The following ETF1 variants were observed in gnomAD, a reference collection of about 807,000 sequenced individuals.
ETF1 encodes the protein eukaryotic peptide chain release factor subunit 1.
Under a neutral mutation model 55.1 loss-of-function variants are expected in ETF1, and 4 were observed. The ratio of observed to expected loss-of-function variants is 0.07; its 90% CI spans 0.04 to 0.17. The LOEUF is 0.17. Among genes scored for constraint, ETF1 ranks in the 10% least tolerant of loss-of-function variants. ETF1 has a pLI of 1.00. For synonymous variants in ETF1, 157 were observed against 182.3 expected, an observed-to-expected ratio of 0.86 and a Z score of 1.12; for missense variants, 142 against 523.6, an observed-to-expected ratio of 0.27 and a Z score of 7.11.
In ETF1 at chr5:138,507,068, A is replaced by G. The variant is rs1454735888; in HGVS notation, c.*1237T>C. ...TGACCTTGCATATCAGCTGGGTTCAAGTCTGACTTACAGCCCAGCTGTGAA... is the reference window on the plus strand; with the variant it reads ...TGACCTTGCATATCAGCTGGGTTCAGGTCTGACTTACAGCCCAGCTGTGAA... On this transcript the variant is annotated 3_prime_UTR_variant, in exon 11 of 11. Transcript: ENST00000360541. 1 of 152,206 alleles carries G rather than the reference A, an allele frequency of 6.6e-6. No homozygotes were observed. The highest frequency in any genetic ancestry group is 1.5e-5 in the Non-Finnish European group (1 of 68,032). The allele number at this position is 152,206 out of a possible 1,614,324, so 9.4% of individuals were successfully genotyped here.
intron 2 of ETF1, among the ~76,000 whole-genome samples, chr5:138,534,906 T>C (rs1040602406): frequency 3.7e-5 from 4 of 108,588 alleles, no homozygotes; most frequent in Non-Finnish European, 7.1e-5. Flanking sequence ...ACAGAGCTGT[T>C]ATAAGGTTAT....
At chr5:138,512,256 A>ATTT (rs1554137507) in intron 6 of ETF1, among the ~76,000 whole-genome samples, 20 of 18,884 alleles carry the variant, frequency 1.1e-3, no homozygotes, top group African/African-American at 3.9e-3. Flanking sequence ...ATATATATAT[A>ATTT]TATTTTTTTT....
At chr5:138,510,974 C>G in intron 8 of ETF1, 71 bp downstream of exon 8, 1 of 1,565,582 alleles carries the variant, frequency 6.4e-7, no homozygotes, top group Non-Finnish European at 8.6e-7. Context: ...AATCAGCCAT[C>G]CCTCCCAAAT....
Position 138,506,659 on chromosome 5 carries a change from C to G in ETF1, c.*1646G>C, listed in dbSNP as rs2127055158. ...CAGGGGGTTGAGACATCAGGTTACA[C>G]ATTGACAGACAGTATTTGGACCTCA... On this transcript the variant is annotated 3_prime_UTR_variant, in exon 11 of 11. Coordinates refer to ENST00000360541, the MANE Select transcript of ETF1 (RefSeq NM_004730.4). The G allele has an allele frequency of 6.5e-6, 1 of 152,768 alleles. No homozygotes were observed. The highest frequency in any genetic ancestry group is 2.1e-4 in the South Asian group (1 of 4,832). The allele number at this position is 152,768 out of a possible 1,614,324, so 9.5% of individuals were successfully genotyped here. A position where few individuals can be genotyped will look rare whatever the true frequency, so the allele number is the denominator to read the frequency against.
intron 6 of ETF1, 46 bp downstream of exon 6, chr5:138,512,718 C>A: frequency 6.6e-7 from 1 of 1,517,076 alleles, no homozygotes; most frequent in East Asian, 2.6e-5. Flanking sequence ...GACTCACCTA[C>A]TCCTACCTAG....
intron 2 of ETF1, among the ~76,000 whole-genome samples, chr5:138,527,476 C>T (rs1424306064): frequency 6.6e-5 from 10 of 152,184 alleles, no homozygotes; most frequent in African/African-American, 2.2e-4. Flanking sequence ...ACTGTAATTT[C>T]CAAAAAACCT....
At chr5:138,528,561 T>C (rs972278745) in intron 2 of ETF1, among the ~76,000 whole-genome samples, 1 of 152,218 alleles carries the variant, frequency 6.6e-6, no homozygotes. Flanking sequence ...TGCCTAAGAA[T>C]TGTTTTTTGT....
intron 4 of ETF1, among the ~76,000 whole-genome samples, chr5:138,515,595 T>C (rs1042779013): frequency 6.6e-6 from 1 of 152,212 alleles, no homozygotes; most frequent in African/African-American, 2.4e-5. Flanking sequence ...AAACAGGATA[T>C]AACCCTCTCA....
chr5:138,542,991 G>A (rs1580732170), intron 1 of ETF1, 55 bp from the exon 2 acceptor site: 1 of 1,532,006 alleles, frequency 6.5e-7, no homozygotes, highest in Non-Finnish European at 9.0e-7. Context: ...TAGCGCCGCC[G>A]CTGGGGCAGA....
chr5:138,531,584 A>G (rs1286523490), intron 2 of ETF1, among the ~76,000 whole-genome samples: 1 of 152,218 alleles, frequency 6.6e-6, no homozygotes, highest in Non-Finnish European at 1.5e-5. Context: ...GGAACGTTTT[A>G]GACACTGCTT....
intron 2 of ETF1, among the ~76,000 whole-genome samples, chr5:138,539,202 A>T (rs1468998781): frequency 9.2e-5 from 14 of 152,180 alleles, no homozygotes. Flanking sequence ...AACACTGTCC[A>T]TTCCTTTGTC....
Position 138,534,305 on chromosome 5 carries a change from TC to T in ETF1, c.86+8527del, listed in dbSNP as rs1322116016. Among the ~76,000 whole-genome samples the T allele has an allele frequency of 3.9e-5, 6 of 152,286 alleles. No homozygotes were observed. In the East Asian group the frequency reaches 9.7e-4, roughly 25 times the overall value. On this transcript the variant is annotated intron_variant, in intron 2 of 10. Coordinates refer to ENST00000360541, the MANE Select transcript of ETF1 (RefSeq NM_004730.4). ...TTTCTACAATGATAGGCATTATTAG[TC>T]TTAAAAAGAAAAATTAAAAGATCTT...
At position 138,531,492 on chromosome 5, in the gene ETF1, C is replaced by T. The variant is rs549795713; in HGVS notation, c.86+11341G>A. ...CTCAGAGATACTCAACTTTACCAGC[C>T]CGAACACTCACTCCCCCTCAAGTAC... On this transcript the variant is annotated intron_variant, in intron 2 of 10. Coordinates refer to ENST00000360541, the MANE Select transcript of ETF1 (RefSeq NM_004730.4). 9.9e-4 allele frequency among the ~76,000 whole-genome samples: 150 copies of T among 152,276 alleles called. 1 individual carries two copies. Among genetic ancestry groups the T allele is most frequent in the African/African-American group, 3.5e-3 (146 of 41,544 alleles).
chr5:138,514,568 CTTT>C (rs59685005), intron 4 of ETF1, among the ~76,000 whole-genome samples: 18 of 139,774 alleles, frequency 1.3e-4, no homozygotes, highest in Admixed American at 2.2e-4. Context: ...TAACTTGTTC[CTTT>C]TTTTTTTTTT....
At chr5:138,538,544 A>G (rs1182463542) in intron 2 of ETF1, among the ~76,000 whole-genome samples, 1 of 152,166 alleles carries the variant, frequency 6.6e-6, no homozygotes. Flanking sequence ...GGAGGCATGG[A>G]AAGAGCCAGA....
chr5:138,541,652 T>A lies in ETF1; in HGVS notation c.86+1181A>T. 2.0e-6 allele frequency: 3 copies of A among 1,511,338 alleles called. No individual in the cohort carries two copies. The South Asian group carries it at 3.7e-5, about 18-fold the overall frequency. The allele number at this position is 1,511,338 out of a possible 1,614,324, so 93.6% of individuals were successfully genotyped here. ...GACAATCCTGGGCTGGAAACCAGAA[T>A]GTCAAATTCTTGTGCTGAAATCAAC... On this transcript the variant is annotated intron_variant, in intron 2 of 10. Coordinates refer to ENST00000360541, the MANE Select transcript of ETF1 (RefSeq NM_004730.4).
In ETF1 at chr5:138,507,344, C is replaced by T. The variant is rs1490522405; in HGVS notation, c.*961G>A. On this transcript the variant is annotated 3_prime_UTR_variant, in exon 11 of 11. Transcript: ENST00000360541. ...TCATTTTAATAAATCAAAACATTCA[C>T]ATAATCTCATGCCATCCAACACAAG... 6.6e-6 allele frequency: 1 copy of T among 152,624 alleles called. No individual in the cohort carries two copies. Among genetic ancestry groups the T allele is most frequent in the African/African-American group, 2.4e-5 (1 of 41,454 alleles). 9.5% of individuals were successfully genotyped at this position (152,624 alleles called of 1,614,324 possible).
chr5:138,517,988 C>T (rs549461509), intron 3 of ETF1: 3 of 574,740 alleles, frequency 5.2e-6, no homozygotes, highest in Non-Finnish European at 6.6e-6. Context: ...GATCACCTGA[C>T]GTCAGGAATT....
At chr5:138,519,192 T>C (rs1468984672) in intron 2 of ETF1, 20 of 984,910 alleles carry the variant, frequency 2.0e-5, no homozygotes, top group Non-Finnish European at 2.4e-5. Flanking sequence ...AGGCTGGAAT[T>C]TGGTAGTGAA....
Sources: allele counts gnomAD v4.1 joint callset (sites outside exome capture counted in the v4.1 genomes callset), GRCh38; gene constraint gnomAD v4.1.1; transcripts MANE v1.5; gene names NCBI Gene and HGNC (gene_info 2026-07-23, HGNC 2026-07-21).